ASS1: variants seen among roughly 807,000 people sequenced by gnomAD.
ASS1 encodes argininosuccinate synthase 1.
In ASS1, 58 loss-of-function variants were observed where a neutral mutation model predicts 60.5. The ratio of observed to expected loss-of-function variants is 0.96; its 90% CI spans 0.78 to 1.19. ASS1 has a LOEUF of 1.19. Ranked by LOEUF, ASS1 falls within the 50% of genes most tolerant of loss-of-function variation. ASS1 has a pLI of 0.00. For synonymous variants in ASS1, 200 were observed against 206.9 expected, an observed-to-expected ratio of 0.97 and a Z score of 0.29; for missense variants, 454 against 547.3, an observed-to-expected ratio of 0.83 and a Z score of 1.70.
At chr9:130,471,901 G>T (rs1211555865) in intron 8 of ASS1, among the ~76,000 whole-genome samples, 3 of 152,136 alleles carry the variant, frequency 2.0e-5, no homozygotes, top group Non-Finnish European at 4.4e-5. Flanking sequence ...TTTTGGTTGT[G>T]GGGGGTGGGG....
In ASS1 at chr9:130,454,382, C is replaced by A; in HGVS notation, c.174+9C>A. On this transcript the variant is annotated intron_variant, in intron 3 of 14. Coordinates refer to ENST00000352480, the MANE Select transcript of ASS1 (RefSeq NM_054012.4). ...AGCTTGGGGCCAAAAAGGTACCAGGCGGGAGGCAGGGATTTGGGCTGGGAG... is the reference window on the plus strand; with the variant it reads ...AGCTTGGGGCCAAAAAGGTACCAGGAGGGAGGCAGGGATTTGGGCTGGGAG... 6.2e-7 allele frequency: 1 copy of A among 1,613,046 alleles called. No homozygotes were observed. The highest frequency in any genetic ancestry group is 8.5e-7 in the Non-Finnish European group (1 of 1,179,430).
intron 5 of ASS1, chr9:130,466,434 C>G (rs1277642453): frequency 3.9e-6 from 2 of 509,844 alleles, no homozygotes; most frequent in Non-Finnish European, 7.2e-6. Flanking sequence ...TTCAAACTCT[C>G]AGGTCTCATC....
At chr9:130,492,497 C>A (rs1846472892) in intron 12 of ASS1, among the ~76,000 whole-genome samples, 1 of 152,178 alleles carries the variant, frequency 6.6e-6, no homozygotes, top group Admixed American at 6.5e-5. Context: ...GTGTGGCTGG[C>A]TGGCTCCCTC....
intron 14 of ASS1, among the ~76,000 whole-genome samples, chr9:130,499,847 G>A (rs1846701827): frequency 6.6e-6 from 1 of 152,124 alleles, no homozygotes; most frequent in African/African-American, 2.4e-5. Flanking sequence ...CTCCCCTCCC[G>A]CTAAGCCACA....
chr9:130,447,414 G>T (rs776872405), intron 1 of ASS1, among the ~76,000 whole-genome samples: 1 of 152,246 alleles, frequency 6.6e-6, no homozygotes, highest in East Asian at 1.9e-4. Flanking sequence ...CAGCTCTGAC[G>T]TTTTCAAGTA....
intron 13 of ASS1, 45 bp downstream of exon 13, chr9:130,495,068 C>A (rs771199883): frequency 6.4e-7 from 1 of 1,568,360 alleles, no homozygotes. Flanking sequence ...GGGCACAGAG[C>A]CTATCTTTTG....
At chr9:130,453,795 G>A (rs1380239394) in intron 2 of ASS1, among the ~76,000 whole-genome samples, 1 of 152,218 alleles carries the variant, frequency 6.6e-6, no homozygotes, top group Non-Finnish European at 1.5e-5. Flanking sequence ...CGAGGTCAGG[G>A]CACTGGCCAC....
chr9:130,485,838 T>C (rs969635203), intron 11 of ASS1, among the ~76,000 whole-genome samples: 1 of 152,218 alleles, frequency 6.6e-6, no homozygotes, highest in Non-Finnish European at 1.5e-5. Flanking sequence ...ATTGAAAATT[T>C]GCTCCTCGAA....
In ASS1 at chr9:130,452,268, G is replaced by A. The variant is rs121908636; in HGVS notation, c.40G>A (p.Gly14Ser). 1.6e-5 allele frequency: 26 copies of A among 1,614,062 alleles called. No individual in the cohort carries two copies. Among genetic ancestry groups the A allele is most frequent in the Admixed American group, 6.7e-5 (4 of 59,996 alleles). ...CTCCGTGGTTCTGGCCTACAGTGGC[G>A]GCCTGGACACCTCGTGCATCCTCGT... The part of the protein sequence containing the change: ...KGSVVLAYSG[G>S]LDTSCILVWL... The change falls in exon 2 of 15, where the codon GGC becomes AGC. Residue 14 changes from glycine to serine, a missense_variant. Transcript: ENST00000352480.
At chr9:130,465,045 TA>T (rs1294305692) in intron 5 of ASS1, among the ~76,000 whole-genome samples, 2 of 102,412 alleles carry the variant, frequency 2.0e-5, no homozygotes, top group African/African-American at 8.1e-5. Flanking sequence ...TATATATATA[TA>T]TATATATATA....
rs141585144 is a variant in ASS1 at position 130,492,382 on chromosome 9, G to C, written c.971-2485G>C. On this transcript the variant is annotated intron_variant, in intron 12 of 14. Coordinates refer to ENST00000352480, the MANE Select transcript of ASS1 (RefSeq NM_054012.4). ...GCTTCCTCAGAGCCCTTGTGGTCTC[G>C]GCACAGATAGGGAGACTGAGGCACA... 9.6e-3 allele frequency among the ~76,000 whole-genome samples: 1,468 copies of C among 152,208 alleles called. 20 individuals carry two copies. The highest frequency in any genetic ancestry group is 0.014 in the Non-Finnish European group (966 of 67,990).
At position 130,444,984 on chromosome 9, in the gene ASS1, T is replaced by G. The variant is rs1039457081; in HGVS notation, c.-17T>G. On this transcript the variant is annotated 5_prime_UTR_variant, in exon 1 of 15. Coordinates refer to ENST00000352480, the MANE Select transcript of ASS1 (RefSeq NM_054012.4). The surrounding 1 kb of genome is among the most constrained non-coding windows in gnomAD (Gnocchi z 4.7). The stretch of plus-strand genomic sequence containing the variant: ...GTCCTGCTCTGCCGCCTGCCACCGC[T>G]GCCCGAGCCCGGTAAGGAGCCCTCG... 2.1e-5 allele frequency: 4 copies of G among 192,874 alleles called. No homozygotes were observed. Among genetic ancestry groups the G allele is most frequent in the Non-Finnish European group, 9.5e-6 (1 of 105,396 alleles). The allele number at this position is 192,874 out of a possible 1,614,324, so 11.9% of individuals were successfully genotyped here.
intron 4 of ASS1, among the ~76,000 whole-genome samples, chr9:130,461,509 G>A (rs1266333090): frequency 1.3e-5 from 2 of 152,276 alleles, no homozygotes; most frequent in East Asian, 1.9e-4. Flanking sequence ...ACTTGGGGGC[G>A]TCCCTGCATT....
At chr9:130,447,940 T>G (rs12554609) in intron 1 of ASS1, among the ~76,000 whole-genome samples, 11,447 of 152,090 alleles carry the variant, frequency 0.075, 615 homozygotes, top group Admixed American at 0.13. Context: ...AGTCGCCCTG[T>G]GGGGAGCAGG....
At position 130,471,505 on chromosome 9, in the gene ASS1, A is replaced by C. The variant is rs1430947504; in HGVS notation, c.587A>C (p.Glu196Ala). Residue 196 changes from glutamate to alanine, a missense_variant, in exon 8 of 15, where the codon GAG becomes GCG. Coordinates refer to ENST00000352480, the MANE Select transcript of ASS1 (RefSeq NM_054012.4). The part of the protein sequence containing the change: ...MHISYEAGIL[E>A]NPKNQAPPGL... ...CGCAGCTACGAGGCTGGAATCCTGG[A>C]GAACCCCAAGGTAATCCCCCAAACC... 2 of 1,614,082 alleles carry C rather than the reference A, an allele frequency of 1.2e-6. No homozygotes were observed. The highest frequency in any genetic ancestry group is 8.5e-7 in the Non-Finnish European group (1 of 1,179,966).
At chr9:130,499,652 T>C (rs1464995731) in intron 14 of ASS1, 82 bp downstream of exon 14, 2 of 1,410,218 alleles carry the variant, frequency 1.4e-6, no homozygotes, top group African/African-American at 2.8e-5. Flanking sequence ...GTGTAAAGGG[T>C]AGGCTTTGAT....
At chr9:130,499,714 A>C (rs1846696796) in intron 14 of ASS1, 144 bp downstream of exon 14, 4 of 807,890 alleles carry the variant, frequency 5.0e-6, no homozygotes, top group Admixed American at 2.2e-5. Context: ...GACAAACCCC[A>C]CTTTCCTGTC....
chr9:130,481,627 A>G (rs188264743), intron 11 of ASS1, among the ~76,000 whole-genome samples: 1 of 152,242 alleles, frequency 6.6e-6, no homozygotes, highest in East Asian at 1.9e-4. Context: ...CTTGTCATCT[A>G]TCGCTAGGCC....
At chr9:130,464,540 G>A (rs569268345) in intron 5 of ASS1, among the ~76,000 whole-genome samples, 5 of 152,246 alleles carry the variant, frequency 3.3e-5, no homozygotes, top group South Asian at 4.1e-4. Flanking sequence ...GCTCTGAAAC[G>A]TGGTTGCTGG....
Sources: gnomAD v4.1 joint callset for allele counts (sites outside exome capture counted in the v4.1 genomes callset) on GRCh38, gnomAD v4.1.1 for gene constraint, Gnocchi (gnomAD v3.1) non-coding constraint, MANE v1.5 for transcripts, NCBI Gene and HGNC (gene_info 2026-07-23, HGNC 2026-07-21) for gene names.